DTHD1: variants seen among roughly 807,000 people sequenced by gnomAD.
DTHD1 encodes death domain-containing protein 1.
In DTHD1, 59 loss-of-function variants were observed where a neutral mutation model predicts 74.8. The observed-to-expected ratio is 0.79, with a 90% CI of 0.64 to 0.98. The LOEUF (loss-of-function observed/expected upper bound fraction) is 0.98, where lower values mean the gene tolerates loss of function less well. Among genes scored for constraint, DTHD1 ranks in the 50% least tolerant of loss-of-function variants. The pLI is 0.00. For synonymous variants in DTHD1, 365 were observed against 371.1 expected, an observed-to-expected ratio of 0.98 and a Z score of 0.19; for missense variants, 1,051 against 1,065.4, an observed-to-expected ratio of 0.99 and a Z score of 0.19.
chr4:36,286,423 G>A (rs1044534701), intron 2 of DTHD1, among the ~76,000 whole-genome samples: 22 of 152,022 alleles, frequency 1.4e-4, no homozygotes, highest in Non-Finnish European at 2.5e-4. Context: ...GCAATCCCTC[G>A]GCCTAGGAAG....
At chr4:36,300,589 C>T (rs991254511) in intron 5 of DTHD1, among the ~76,000 whole-genome samples, 21 of 152,072 alleles carry the variant, frequency 1.4e-4, no homozygotes, top group African/African-American at 4.3e-4. Context: ...CAAAAAAATA[C>T]GTATCCAAAA....
intron 2 of DTHD1, among the ~76,000 whole-genome samples, chr4:36,288,130 G>C (rs944252525): frequency 1.3e-5 from 2 of 152,060 alleles, no homozygotes; most frequent in Admixed American, 1.3e-4. Context: ...ATGGAGTCTT[G>C]CTCTTTCGCC....
intron 9 of DTHD1, among the ~76,000 whole-genome samples, chr4:36,342,803 T>C (rs1429095001): frequency 6.6e-6 from 1 of 150,588 alleles, no homozygotes; most frequent in East Asian, 1.9e-4. Flanking sequence ...CGGCCAGGCG[T>C]GGTGGCTCAC....
At chr4:36,297,762 G>C (rs1291293101) in intron 5 of DTHD1, among the ~76,000 whole-genome samples, 1 of 152,152 alleles carries the variant, frequency 6.6e-6, no homozygotes, top group Non-Finnish European at 1.5e-5. Context: ...ACGTGTGCAT[G>C]GGTGGGGTTG....
chr4:36,319,694 T>C (rs190845536), intron 8 of DTHD1, among the ~76,000 whole-genome samples: 15 of 152,366 alleles, frequency 9.8e-5, no homozygotes, highest in Admixed American at 9.8e-4. Flanking sequence ...GGAATTCAGC[T>C]TTCACTTATT....
In DTHD1 at chr4:36,319,301, G is replaced by A. The variant is rs1757926106; in HGVS notation, c.2340+2815G>A. On this transcript the variant is annotated intron_variant, in intron 8 of 9. Transcript: ENST00000639862. ...TAAATATCTATGACTTGGTGAATAAGGGGAGGTCTATAGCTGTCTCCAGAT... is the reference window on the plus strand; with the variant it reads ...TAAATATCTATGACTTGGTGAATAAAGGGAGGTCTATAGCTGTCTCCAGAT... 2.0e-5 allele frequency among the ~76,000 whole-genome samples: 3 copies of A among 152,182 alleles called. 1 individual carries two copies. The South Asian group carries it at 6.2e-4, about 32-fold the overall frequency.
Position 36,281,915 on chromosome 4 carries a change from G to A in DTHD1, c.157G>A (p.Glu53Lys), listed in dbSNP as rs370704809. 2.1e-5 allele frequency: 28 copies of A among 1,316,694 alleles called. No individual in the cohort carries two copies. The highest frequency in any genetic ancestry group is 2.0e-4 in the Middle Eastern group (1 of 5,084). The allele number at this position is 1,316,694 out of a possible 1,614,324, so 81.6% of individuals were successfully genotyped here. The change falls in exon 1 of 10, where the codon GAA becomes AAA. Residue 53 changes from glutamate to lysine, a missense_variant. Physicochemically the swap from Glu to Lys is moderately conservative, Grantham distance 56 (BLOSUM62 1). Transcript: ENST00000639862. Reference sequence around the variant, plus strand: ...GGCCACTGTGGTCTTTCTGGGTCAGGAACTCAGCAGTGCCCTTCACCAGCT... The same window carrying A: ...GGCCACTGTGGTCTTTCTGGGTCAGAAACTCAGCAGTGCCCTTCACCAGCT... ...WMATVVFLGQ[E>K]LSSALHQLLE...
At chr4:36,327,401 TAAAG>T (rs1386664038) in intron 8 of DTHD1, among the ~76,000 whole-genome samples, 2 of 152,138 alleles carry the variant, frequency 1.3e-5, no homozygotes, top group Non-Finnish European at 2.9e-5. Flanking sequence ...AGTGGAACAA[TAAAG>T]AGAGGAGGTT....
chr4:36,308,460 C>G lies in DTHD1; in HGVS notation c.2062C>G (p.Leu688Val), dbSNP rs952996813. The G allele has an allele frequency of 1.3e-6, 2 of 1,551,422 alleles. No homozygotes were observed. Among genetic ancestry groups the G allele is most frequent in the African/African-American group, 1.4e-5 (1 of 73,020 alleles). Residue 688 changes from leucine (L) to valine (V), a missense_variant, in exon 7 of 10, where the codon CTT becomes GTT. Transcript: ENST00000639862. ...CCAAGTTCGAGAAGGAGAACAACTT[C>G]TTTTAAGATTTACTGGAAACATATT... ...HFQVREGEQL[L>V]LRFTGNIFAS... is the part of the protein sequence containing the mutation.
Position 36,331,246 on chromosome 4 carries a change from G to T in DTHD1, c.2341-7866G>T, listed in dbSNP as rs1182413494. ...TTTGCTTAACTATTATTGCATAATA[G>T]TAAAGGGTATGCTGAATTTTATAAT... On this transcript the variant is annotated intron_variant, in intron 8 of 9. Coordinates refer to ENST00000639862, the MANE Select transcript of DTHD1 (RefSeq NM_001170700.3). Among the ~76,000 whole-genome samples the T allele has an allele frequency of 2.0e-5, 3 of 151,950 alleles. No homozygotes were observed. The South Asian group carries it at 6.2e-4, about 31-fold the overall frequency.
intron 5 of DTHD1, among the ~76,000 whole-genome samples, chr4:36,296,827 C>T (rs1055996900): frequency 2.6e-5 from 4 of 151,862 alleles, no homozygotes; most frequent in Non-Finnish European, 4.4e-5. Flanking sequence ...GATCCTTGAG[C>T]AATGCAGGGG....
chr4:36,299,483 G>C (rs1003514160), intron 5 of DTHD1, among the ~76,000 whole-genome samples: 1 of 152,112 alleles, frequency 6.6e-6, no homozygotes, highest in African/African-American at 2.4e-5. Flanking sequence ...GTCTATGTAT[G>C]ATCTGTCTAG....
chr4:36,318,168 A>C (rs1757837103), intron 8 of DTHD1, among the ~76,000 whole-genome samples: 1 of 152,236 alleles, frequency 6.6e-6, no homozygotes, highest in Non-Finnish European at 1.5e-5. Context: ...GGCTAAGTAA[A>C]TGGCAGAGCT....
chr4:36,291,179 T>C (rs1756056212), intron 3 of DTHD1, among the ~76,000 whole-genome samples: 1 of 152,236 alleles, frequency 6.6e-6, no homozygotes, highest in Non-Finnish European at 1.5e-5. Context: ...AAATGAAATT[T>C]AGTCTACACA....
intron 8 of DTHD1, among the ~76,000 whole-genome samples, chr4:36,321,413 G>A (rs925726524): frequency 3.9e-5 from 6 of 152,198 alleles, no homozygotes; most frequent in African/African-American, 1.4e-4. Context: ...CCTTGTAGGA[G>A]TGCAAACCCT....
Position 36,316,410 on chromosome 4 carries a change from A to G in DTHD1, c.2264A>G (p.Asn755Ser), listed in dbSNP as rs1254808755. 10 of 1,552,032 alleles carry G rather than the reference A, an allele frequency of 6.4e-6. No homozygotes were observed. The highest frequency in any genetic ancestry group is 7.0e-6 in the Non-Finnish European group (8 of 1,147,070). The change falls in exon 8 of 10, where the codon AAC (asparagine) becomes AGC (serine). Residue 755 changes from asparagine (N) to serine (S), a missense_variant. Physicochemically the swap from Asn to Ser is conservative, Grantham distance 46. Transcript: ENST00000639862. ...GTACCTAAAGGAAAGATAGTCCCCA[A>G]CTTGAATCAATCTCTCGTAATTAAT... is the stretch of plus-strand genomic sequence containing the variant. ...YKVPKGKIVPNLNQSLVINEN... is the reference protein window; with the variant it reads ...YKVPKGKIVPSLNQSLVINEN...
intron 8 of DTHD1, among the ~76,000 whole-genome samples, chr4:36,334,728 G>A (rs912919166): frequency 1.3e-5 from 2 of 152,186 alleles, no homozygotes; most frequent in South Asian, 2.1e-4. Flanking sequence ...AGGGTGTAAG[G>A]CATGTGTTTT....
intron 1 of DTHD1, among the ~76,000 whole-genome samples, chr4:36,283,152 C>G (rs1404018479): frequency 6.6e-6 from 1 of 152,134 alleles, no homozygotes; most frequent in African/African-American, 2.4e-5. Flanking sequence ...ATTCTAAAGA[C>G]TAGAGAGGTA....
In DTHD1 at chr4:36,309,064, T is replaced by A. The variant is rs181312455; in HGVS notation, c.2095+571T>A. Among the ~76,000 whole-genome samples the A allele has an allele frequency of 3.8e-4, 58 of 152,360 alleles. 1 individual carries two copies. Among genetic ancestry groups the A allele is most frequent in the Admixed American group, 2.7e-3 (41 of 15,312 alleles). ...TTATTCCATGTATTTTATTTTATATTTTTCAAAGACTACTCTGAGAATCAA... is the reference window on the plus strand; with the variant it reads ...TTATTCCATGTATTTTATTTTATATATTTCAAAGACTACTCTGAGAATCAA... On this transcript the variant is annotated intron_variant, in intron 7 of 9. Transcript: ENST00000639862.
Sources: gnomAD v4.1 joint callset for allele counts (sites outside exome capture counted in the v4.1 genomes callset) on GRCh38, gnomAD v4.1.1 for gene constraint, MANE v1.5 for transcripts, NCBI Gene and HGNC (gene_info 2026-07-23, HGNC 2026-07-21) for gene names.